The following MAML3 variants were observed in gnomAD, a reference collection of about 807,000 sequenced individuals.
The protein encoded by MAML3 is mastermind-like protein 3.
Under a neutral mutation model 101.9 loss-of-function variants are expected in MAML3, and 27 were observed. The ratio of observed to expected loss-of-function variants is 0.27; its 90% CI spans 0.20 to 0.37. The LOEUF (loss-of-function observed/expected upper bound fraction) is 0.37. Among genes scored for constraint, MAML3 ranks in the 10% least tolerant of loss-of-function variants. The pLI, the probability that MAML3 is intolerant of heterozygous loss-of-function variation, is 1.00. For synonymous variants in MAML3, 501 were observed against 555.9 expected (o/e 0.90, Z 1.39); for missense variants, 1,316 against 1,444.9 (o/e 0.91, Z 1.45).
chr4:140,016,529 T>C (rs1726644606), intron 1 of MAML3, among the ~76,000 whole-genome samples: 1 of 152,200 alleles, frequency 6.6e-6, no homozygotes, highest in African/African-American at 2.4e-5. Flanking sequence ...ATTTCAAGAC[T>C]TACTACTGTA....
At chr4:139,935,570 G>A (rs1444485706) in intron 1 of MAML3, among the ~76,000 whole-genome samples, 3 of 150,556 alleles carry the variant, frequency 2.0e-5, no homozygotes, top group Admixed American at 2.0e-4. Flanking sequence ...TTTCTTGGAG[G>A]AAAAATAGGG....
chr4:139,840,336 C>G (rs1024289548), intron 2 of MAML3, among the ~76,000 whole-genome samples: 18 of 152,216 alleles, frequency 1.2e-4, no homozygotes, highest in Non-Finnish European at 2.2e-4. Context: ...GACTTGCAAA[C>G]TAGGTATCCT....
Position 140,153,427 on chromosome 4 carries a change from C to T in MAML3, c.-100G>A, listed in dbSNP as rs1417605220. ...GGATTAAAATAGTTTAAGTGGAACG[C>T]GGGGGAGACGCAAGCACATGGATGG... On this transcript the variant is annotated 5_prime_UTR_variant, in exon 1 of 5. Transcript: ENST00000509479. 8.6e-7 allele frequency: 1 copy of T among 1,165,846 alleles called. No individual in the cohort carries two copies. The highest frequency in any genetic ancestry group is 1.1e-6 in the Non-Finnish European group (1 of 922,514). 72.2% of individuals were successfully genotyped at this position (1,165,846 alleles called of 1,614,324 possible).
chr4:139,965,188 A>G (rs1734105118), intron 1 of MAML3, among the ~76,000 whole-genome samples: 2 of 149,676 alleles, frequency 1.3e-5, no homozygotes, highest in African/African-American at 2.5e-5. Flanking sequence ...AACCCAAAAT[A>G]ACTCCCTGCT....
intron 1 of MAML3, among the ~76,000 whole-genome samples, chr4:139,993,162 G>A (rs572261410): frequency 6.6e-6 from 1 of 152,072 alleles, no homozygotes; most frequent in East Asian, 1.9e-4. Flanking sequence ...GATCAGCCTG[G>A]CCAACAGGAT....
At chr4:140,049,588 C>T (rs1727234916) in intron 1 of MAML3, among the ~76,000 whole-genome samples, 1 of 152,142 alleles carries the variant, frequency 6.6e-6, no homozygotes, top group African/African-American at 2.4e-5. Context: ...CAACAACCAA[C>T]AGGCAGGCTA....
intron 2 of MAML3, among the ~76,000 whole-genome samples, chr4:139,755,499 A>G (rs1324751830): frequency 6.6e-6 from 1 of 152,070 alleles, no homozygotes; most frequent in African/African-American, 2.4e-5. Flanking sequence ...TCCCAGTTAC[A>G]TGGGAGGCTG....
intron 1 of MAML3, among the ~76,000 whole-genome samples, chr4:140,091,854 C>T (rs117803379): frequency 6.6e-6 from 1 of 151,918 alleles, no homozygotes; most frequent in East Asian, 1.9e-4. Flanking sequence ...TCGAGGACTG[C>T]AACCTTCTTC....
At chr4:140,025,830 A>C (rs1485881227) in intron 1 of MAML3, among the ~76,000 whole-genome samples, 2 of 152,136 alleles carry the variant, frequency 1.3e-5, no homozygotes, top group Non-Finnish European at 2.9e-5. Context: ...ATCTCTGCCC[A>C]CCTTATGTGT....
chr4:140,054,988 C>T (rs886376636), intron 1 of MAML3, among the ~76,000 whole-genome samples: 15 of 152,206 alleles, frequency 9.9e-5, no homozygotes, highest in African/African-American at 3.6e-4. Flanking sequence ...ATGAAATATG[C>T]TACCTCTTGA....
intron 1 of MAML3, among the ~76,000 whole-genome samples, chr4:139,942,009 C>T (rs1733610470): frequency 6.6e-6 from 1 of 152,118 alleles, no homozygotes; most frequent in African/African-American, 2.4e-5. Context: ...GTGGCAGGCG[C>T]CTGTGATCCC....
Position 139,730,481 on chromosome 4 carries a change from G to C in MAML3, c.2266C>G (p.Gln756Glu). 3 of 1,553,190 alleles carry C rather than the reference G, an allele frequency of 1.9e-6. No individual in the cohort carries two copies. Among genetic ancestry groups the C allele is most frequent in the Non-Finnish European group, 2.6e-6 (3 of 1,147,848 alleles). ...QRAQLIEQQK[Q>E]QFLREQRQQQ... Reference sequence around the variant, plus strand: ...TGCCTTTGCTCCCGCAGGAACTGTTGCTTCTGCTGCTCTATCAACTGGGCC... The same window carrying C: ...TGCCTTTGCTCCCGCAGGAACTGTTCCTTCTGCTGCTCTATCAACTGGGCC... Residue 756 changes from glutamine (Q) to glutamate (E), a missense_variant, in exon 3 of 5, where the codon CAA becomes GAA. Coordinates refer to ENST00000509479, the MANE Select transcript of MAML3 (RefSeq NM_018717.5).
intron 1 of MAML3, among the ~76,000 whole-genome samples, chr4:140,073,915 C>T (rs138567114): frequency 0.011 from 1,597 of 151,832 alleles, 10 homozygotes; most frequent in Non-Finnish European, 0.016. Flanking sequence ...GGGCAGATCA[C>T]GAGGTCAAGA....
rs908134717 is a variant in MAML3, at chr4:139,824,667, T to C, written c.2079+64690A>G. 3.9e-5 allele frequency among the ~76,000 whole-genome samples: 6 copies of C among 152,228 alleles called. No homozygotes were observed. In the East Asian group the frequency reaches 1.2e-3, roughly 29 times the overall value. On this transcript the variant is annotated intron_variant, in intron 2 of 4. Transcript: ENST00000509479. ...CCAATTTGCACTAATTTCAGTAGTTTGTAAGTATCAAGCAAGACTGTTCAA... is the reference window on the plus strand; with the variant it reads ...CCAATTTGCACTAATTTCAGTAGTTCGTAAGTATCAAGCAAGACTGTTCAA...
chr4:139,751,151 G>A (rs1019098388), intron 2 of MAML3, among the ~76,000 whole-genome samples: 1 of 152,160 alleles, frequency 6.6e-6, no homozygotes, highest in Non-Finnish European at 1.5e-5. Context: ...AAATGCCTCT[G>A]AAAAATATCT....
At position 140,116,584 on chromosome 4, in the gene MAML3, C is replaced by T. The variant is rs116276148; in HGVS notation, c.468+36276G>A. On this transcript the variant is annotated intron_variant, in intron 1 of 4. Transcript: ENST00000509479. ...TTCAGAAAGTCACGTTAGAGACTGC[C>T]ACTCTAACCTCTAACCCCACTGCTT... Among the ~76,000 whole-genome samples, 767 of 152,328 alleles carry T rather than the reference C, an allele frequency of 5.0e-3. 9 individuals are homozygous for T. The highest frequency in any genetic ancestry group is 0.018 in the African/African-American group (728 of 41,574).
At chr4:139,932,813 G>A (rs955827717) in intron 1 of MAML3, among the ~76,000 whole-genome samples, 9 of 152,138 alleles carry the variant, frequency 5.9e-5, no homozygotes, top group Admixed American at 2.6e-4. Context: ...GTGATCTCTC[G>A]TATCTCCATT....
At chr4:139,946,755 C>T (rs1192269773) in intron 1 of MAML3, among the ~76,000 whole-genome samples, 1 of 152,046 alleles carries the variant, frequency 6.6e-6, no homozygotes, top group African/African-American at 2.4e-5. Context: ...ATAAAACATC[C>T]TTCCTGGCCT....
At chr4:139,932,435 G>A (rs1351440119) in intron 1 of MAML3, among the ~76,000 whole-genome samples, 2 of 152,182 alleles carry the variant, frequency 1.3e-5, no homozygotes, top group Non-Finnish European at 2.9e-5. Flanking sequence ...GGGACTTGGA[G>A]TCAGTTAAGT....
Sources: allele counts gnomAD v4.1 joint callset (sites outside exome capture counted in the v4.1 genomes callset), GRCh38; gene constraint gnomAD v4.1.1; transcripts MANE v1.5; gene names NCBI Gene and HGNC (gene_info 2026-07-23, HGNC 2026-07-21).